The following GCNT4 variants were observed in gnomAD, a reference collection of about 807,000 sequenced individuals.
GCNT4 encodes the protein glucosaminyl (N-acetyl) transferase 4.
GCNT4 carries 17 observed loss-of-function variants against 31.3 expected under a neutral mutation model. The observed-to-expected ratio is 0.54, with a 90% CI of 0.37 to 0.81. The LOEUF is 0.81. GCNT4 is among the 40% of genes least tolerant of loss of function. The pLI, the probability that GCNT4 is intolerant of heterozygous loss-of-function variation, is 0.00. For synonymous variants in GCNT4, 158 were observed against 190.6 expected (o/e 0.83, Z 1.41); for missense variants, 503 against 525.5 (o/e 0.96, Z 0.42).
chr5:75,032,872 G>GGGGTGT (rs1302225317), intron 3 of GCNT4, among the ~76,000 whole-genome samples: 1 of 130,760 alleles, frequency 7.6e-6, no homozygotes, highest in Non-Finnish European at 1.7e-5. Context: ...CCCAAATAGG[G>GGGGTGT]GTGTGTGTGT....
At position 75,027,255 on chromosome 5, in the gene GCNT4, T is replaced by G. The variant is rs942676431; in HGVS notation, c.*1421A>C. 1.4e-5 allele frequency: 2 copies of G among 141,362 alleles called. No individual in the cohort carries two copies. The highest frequency in any genetic ancestry group is 3.0e-5 in the Non-Finnish European group (2 of 66,242). The allele number at this position is 141,362 out of a possible 1,614,324, so 8.8% of individuals were successfully genotyped here. On this transcript the variant is annotated 3_prime_UTR_variant, in exon 4 of 4. Coordinates refer to ENST00000652361, the MANE Select transcript of GCNT4 (RefSeq NM_001366737.1). Reference sequence around the variant, plus strand: ...ACTTCCAGAACAATTCCATTATATATATAATATATATTCATTATATGTTAT... The same window carrying G: ...ACTTCCAGAACAATTCCATTATATAGATAATATATATTCATTATATGTTAT...
downstream of GCNT4, among the ~76,000 whole-genome samples, chr5:75,024,950 CAAA>C (rs1239662355): frequency 2.7e-4 from 11 of 40,534 alleles, no homozygotes; most frequent in Non-Finnish European, 4.9e-4. Context: ...GACTCCATCT[CAAA>C]AAAAAAAAAA....
At chr5:75,053,254 C>T (rs1276841141), upstream of GCNT4, among the ~76,000 whole-genome samples, 1 of 151,894 alleles carries the variant, frequency 6.6e-6, no homozygotes, top group Non-Finnish European at 1.5e-5. Context: ...CTGTGTCCGT[C>T]CGCCGCGCGC....
chr5:75,048,478 T>C (rs1743495265), intron 2 of GCNT4, among the ~76,000 whole-genome samples: 1 of 152,190 alleles, frequency 6.6e-6, no homozygotes, highest in African/African-American at 2.4e-5. Flanking sequence ...GTTCAGTGTT[T>C]TGGCTGACCA....
chr5:75,053,817 C>G (rs772034326), upstream of GCNT4, among the ~76,000 whole-genome samples: 1 of 152,212 alleles, frequency 6.6e-6, no homozygotes. Context: ...GCGCGGTGAT[C>G]TCGGCTCTCC....
chr5:75,027,292 TTATA>T lies in GCNT4; in HGVS notation c.*1380_*1383del, dbSNP rs71600449. ...TCATTATATGTTATATAATATATAT[TTATA>T]TATATATAATTATATGTATATATAA... On this transcript the variant is annotated 3_prime_UTR_variant, in exon 4 of 4. Transcript: ENST00000652361. 2 of 115,298 alleles carry T rather than the reference TTATA, an allele frequency of 1.7e-5. No individual in the cohort carries two copies. Among genetic ancestry groups the T allele is most frequent in the East Asian group, 2.2e-4 (1 of 4,636 alleles). The allele number at this position is 115,298 out of a possible 1,614,324, so 7.1% of individuals were successfully genotyped here. A position where few individuals can be genotyped will look rare whatever the true frequency, so the allele number is the denominator to read the frequency against.
At position 75,035,710 on chromosome 5, in the gene GCNT4, G is replaced by A. The variant is rs146399100; in HGVS notation, c.-1-5672C>T. ...CGCTGGCGCTTTCTGACTGACAGAGGTTTCAAACCTCCCTGGGATGCAGCT... is the reference window on the plus strand; with the variant it reads ...CGCTGGCGCTTTCTGACTGACAGAGATTTCAAACCTCCCTGGGATGCAGCT... On this transcript the variant is annotated intron_variant, in intron 3 of 3. Transcript: ENST00000652361. Among the ~76,000 whole-genome samples, 333 of 152,316 alleles carry A rather than the reference G, an allele frequency of 2.2e-3. 3 individuals carry two copies. The highest frequency in any genetic ancestry group is 6.3e-3 in the African/African-American group (263 of 41,568).
At position 75,029,954 on chromosome 5, in the gene GCNT4, CAAAG is replaced by C. The variant is rs1382181914; in HGVS notation, c.80_83del (p.Ser27CysfsTer2). 1.2e-6 allele frequency: 2 copies of C among 1,613,892 alleles called. No homozygotes were observed. The highest frequency in any genetic ancestry group is 1.7e-5 in the Admixed American group (1 of 59,998). Reference sequence around the variant, plus strand: ...GTCGTCTCACATTTAGAAGCTTTAACAAAGAGAGCAGCCATAGGGTTAAAAACAG... The same window carrying C: ...GTCGTCTCACATTTAGAAGCTTTAACAGAGCAGCCATAGGGTTAAAAACAG... On this transcript the variant is annotated frameshift_variant, in exon 4 of 4. Transcript: ENST00000652361. LOFTEE classifies it high-confidence loss of function.
chr5:75,018,992 TG>T, the GCNT4 span, among the ~76,000 whole-genome samples: 2 of 152,176 alleles, frequency 1.3e-5, no homozygotes, highest in Non-Finnish European at 2.9e-5. Flanking sequence ...TCCTCAATCC[TG>T]GCTTACTTTT....
downstream of GCNT4, among the ~76,000 whole-genome samples, chr5:75,021,547 A>C (rs1742881156): frequency 6.6e-6 from 1 of 152,186 alleles, no homozygotes; most frequent in African/African-American, 2.4e-5. Context: ...CCACCCTTAT[A>C]AGGTTTCTGG....
At position 75,027,362 on chromosome 5, in the gene GCNT4, T is replaced by TA. The variant is rs1491160619; in HGVS notation, c.*1313_*1314insT. ...AATATATGTATATATAATATATATA[T>TA]TTATATATTATATATGTAATGGAAT... On this transcript the variant is annotated 3_prime_UTR_variant, in exon 4 of 4. Coordinates refer to ENST00000652361, the MANE Select transcript of GCNT4 (RefSeq NM_001366737.1). The TA allele has an allele frequency of 1.8e-3, 4 of 2,172 alleles. No homozygotes were observed. Among genetic ancestry groups the TA allele is most frequent in the East Asian group, 0.014 (1 of 72 alleles). 0.1% of individuals were successfully genotyped at this position (2,172 alleles called of 1,614,324 possible). A position where few individuals can be genotyped will look rare whatever the true frequency, so the allele number is the denominator to read the frequency against.
chr5:75,031,607 T>C (rs1743064150), intron 3 of GCNT4, among the ~76,000 whole-genome samples: 1 of 152,160 alleles, frequency 6.6e-6, no homozygotes, highest in South Asian at 2.1e-4. Flanking sequence ...ACAACACTGG[T>C]AACGGGAATT....
At chr5:75,021,502 G>C (rs1180765176), downstream of GCNT4, among the ~76,000 whole-genome samples, 1 of 152,114 alleles carries the variant, frequency 6.6e-6, no homozygotes, top group African/African-American at 2.4e-5. Flanking sequence ...GAAGATTCTG[G>C]GATGGAAGAA....
upstream of GCNT4, among the ~76,000 whole-genome samples, chr5:75,053,772 C>T (rs977492433): frequency 6.6e-6 from 1 of 152,170 alleles, no homozygotes; most frequent in South Asian, 2.1e-4. Flanking sequence ...CGCTCCCAGT[C>T]CCCGGGCCGC....
downstream of GCNT4, among the ~76,000 whole-genome samples, chr5:75,021,236 G>A (rs1742877285): frequency 6.6e-6 from 1 of 152,142 alleles, no homozygotes; most frequent in South Asian, 2.1e-4. Flanking sequence ...CCAAGTAGTG[G>A]GGTGTGGACA....
chr5:75,049,402 T>C (rs984299079), intron 2 of GCNT4, among the ~76,000 whole-genome samples: 2 of 152,204 alleles, frequency 1.3e-5, no homozygotes, highest in African/African-American at 4.8e-5. Flanking sequence ...ACATCTAAAA[T>C]AGTAAATACT....
the GCNT4 span, among the ~76,000 whole-genome samples, chr5:75,020,270 A>C: frequency 6.6e-6 from 1 of 152,312 alleles, no homozygotes; most frequent in South Asian, 2.1e-4. Flanking sequence ...TCAGTTTGGC[A>C]TGGCACGGCA....
Position 75,029,055 on chromosome 5 carries a change from G to C in GCNT4, c.983C>G (p.Ser328Cys), listed in dbSNP as rs1180760870. 6.2e-7 allele frequency: 1 copy of C among 1,614,082 alleles called. No homozygotes were observed. The highest frequency in any genetic ancestry group is 1.1e-5 in the South Asian group (1 of 91,072). The change falls in exon 4 of 4, where the codon TCT becomes TGT. Residue 328 changes from serine (S) to cysteine (C), a missense_variant. Transcript: ENST00000652361. ...CTCATCAGGAGAGTATGTGTCTTTAGACCAGGCAAAAAAGTCTTGAACGAT... is the reference window on the plus strand; with the variant it reads ...CTCATCAGGAGAGTATGTGTCTTTACACCAGGCAAAAAAGTCTTGAACGAT... ...NSIVQDFFAW[S>C]KDTYSPDEHF...
At position 75,029,581 on chromosome 5, in the gene GCNT4, T is replaced by C. The variant is rs115374724; in HGVS notation, c.457A>G (p.Ile153Val). ...AIMVERLIHA[I>V]YNQHNIYCIH... Reference sequence around the variant, plus strand: ...CAGTAAATATTGTGCTGGTTGTATATAGCATGGATAAGCCTTTCAACCATA... The same window carrying C: ...CAGTAAATATTGTGCTGGTTGTATACAGCATGGATAAGCCTTTCAACCATA... The change falls in exon 4 of 4, where the codon ATA becomes GTA. Residue 153 changes from isoleucine to valine, a missense_variant. Coordinates refer to ENST00000652361, the MANE Select transcript of GCNT4 (RefSeq NM_001366737.1). 4.4e-4 allele frequency: 707 copies of C among 1,614,176 alleles called. 3 individuals carry two copies. In the African/African-American group the frequency reaches 8.6e-3, roughly 20 times the overall value.
Sources: allele counts gnomAD v4.1 joint callset (sites outside exome capture counted in the v4.1 genomes callset), GRCh38; gene constraint gnomAD v4.1.1; transcripts MANE v1.5; gene names NCBI Gene and HGNC (gene_info 2026-07-23, HGNC 2026-07-21).